KDM5A: variants seen among roughly 807,000 people sequenced by gnomAD.
The protein encoded by KDM5A is lysine-specific demethylase 5A.
In KDM5A, 42 loss-of-function variants were observed where a neutral mutation model predicts 193.5. The observed-to-expected ratio is 0.22, with a 90% CI of 0.17 to 0.28. The LOEUF (loss-of-function observed/expected upper bound fraction) is 0.28. KDM5A is among the 10% of genes least tolerant of loss of function. KDM5A has a pLI of 1.00. For missense variants in KDM5A, 1,692 were observed against 2,055.1 expected (o/e 0.82, Z 3.42); for synonymous variants, 796 against 718.1 (o/e 1.11, Z -1.73).
At chr12:383,217 CTCT>C (rs1215829704) in intron 3 of KDM5A, among the ~76,000 whole-genome samples, 53 of 66,616 alleles carry the variant, frequency 8.0e-4, no homozygotes, top group Middle Eastern at 8.5e-3. Flanking sequence ...GCCAAATTTT[CTCT>C]TTTTTTTTTT....
chr12:310,861 A>T, intron 21 of KDM5A, 24 bp downstream of exon 21: 1 of 1,611,234 alleles, frequency 6.2e-7, no homozygotes, highest in South Asian at 1.1e-5. Flanking sequence ...TCAGCTGCTT[A>T]TGAGAGTGTT....
chr12:359,514 G>A (rs1043012098), intron 5 of KDM5A, among the ~76,000 whole-genome samples: 38 of 152,208 alleles, frequency 2.5e-4, no homozygotes, highest in Middle Eastern at 3.4e-3. Context: ...CACTTTGGGA[G>A]GCTAAGGCAG....
At position 328,914 on chromosome 12, in the gene KDM5A, C is replaced by T. The variant is rs199879384; in HGVS notation, c.1889G>A (p.Gly630Glu). 33 of 1,614,070 alleles carry T rather than the reference C, an allele frequency of 2.0e-5. No homozygotes were observed. Among genetic ancestry groups the T allele is most frequent in the Admixed American group, 1.0e-4 (6 of 60,000 alleles). The change falls in exon 14 of 28, where the codon GGG (glycine) becomes GAG (glutamate). Residue 630 changes from glycine to glutamate, a missense_variant. Physicochemically the swap from Gly to Glu is moderately conservative, Grantham distance 98 (BLOSUM62 -2). Transcript: ENST00000399788. The stretch of plus-strand genomic sequence containing the variant: ...TTCTTTGCAGACCATGGCAGCCAGC[C>T]CCACATCTAAGCATTCTGGATCTGC... Reference protein sequence around the residue: ...MAADPECLDVGLAAMVCKELT... With the variant: ...MAADPECLDVELAAMVCKELT...
At chr12:352,759 T>C (rs942528864) in intron 8 of KDM5A, among the ~76,000 whole-genome samples, 1 of 152,206 alleles carries the variant, frequency 6.6e-6, no homozygotes, top group East Asian at 1.9e-4. Context: ...AGAGAATAGT[T>C]TGTTCACACT....
In KDM5A at chr12:323,269, A is replaced by G; in HGVS notation, c.2151-63T>C. The G allele has an allele frequency of 2.0e-6, 3 of 1,475,060 alleles. No individual in the cohort carries two copies. In the South Asian group the frequency reaches 3.9e-5, roughly 19 times the overall value. The allele number at this position is 1,475,060 out of a possible 1,614,324, so 91.4% of individuals were successfully genotyped here. On this transcript the variant is annotated intron_variant, in intron 15 of 27. Coordinates refer to ENST00000399788, the MANE Select transcript of KDM5A (RefSeq NM_001042603.3). ...ACAGAAATAAAAACCTCAAAAACCA[A>G]CAATAACTTAAAAATAAAGTTTTAA...
intron 4 of KDM5A, 150 bp downstream of exon 4, chr12:365,784 C>T: frequency 3.2e-6 from 2 of 634,350 alleles, no homozygotes; most frequent in South Asian, 1.9e-5. Context: ...TCTTGTAAAC[C>T]ATCAAAAACA....
At chr12:377,344 T>A (rs1358204657) in intron 3 of KDM5A, among the ~76,000 whole-genome samples, 2 of 150,906 alleles carry the variant, frequency 1.3e-5, no homozygotes, top group Non-Finnish European at 3.0e-5. Flanking sequence ...ACAGGAAAAA[T>A]TAGAAGAATT....
Position 323,208 on chromosome 12 carries a change from TACAAAAAA to T in KDM5A, c.2151-10_2151-3del. ...AGGTCTTCTAATGGGTAGCGATATC[TACAAAAAA>T]AAAAAAAAAAAAAAAAAAAAAAAGA... On this transcript the variant is annotated splice_region_variant and splice_polypyrimidine_tract_variant and intron_variant, in intron 15 of 27. Transcript: ENST00000399788. The T allele has an allele frequency of 9.5e-6, 1 of 105,066 alleles. No individual in the cohort carries two copies. The highest frequency in any genetic ancestry group is 1.8e-5 in the Non-Finnish European group (1 of 55,726). 6.5% of individuals were successfully genotyped at this position (105,066 alleles called of 1,614,324 possible). A position where few individuals can be genotyped will look rare whatever the true frequency, so the allele number is the denominator to read the frequency against.
chr12:330,085 G>GTGTGTGTGTATATATATATATA (rs377271333), intron 13 of KDM5A, among the ~76,000 whole-genome samples: 36 of 139,370 alleles, frequency 2.6e-4, no homozygotes, highest in African/African-American at 9.4e-4. Flanking sequence ...GTGTGTGTGT[G>GTGTGTGTGTATATATATATATA]TATATATATA....
At chr12:285,950 C>CA (rs1446835754) in intron 27 of KDM5A, among the ~76,000 whole-genome samples, 6 of 151,982 alleles carry the variant, frequency 3.9e-5, no homozygotes, top group African/African-American at 1.2e-4. Flanking sequence ...AAAAATTTGA[C>CA]AAAAAGGGAA....
Position 285,615 on chromosome 12 carries a change from T to C in KDM5A, c.4914A>G (p.Gln1638=). ...TTTCTGGAGATACACCCACACAAAC[T>C]TGATGAAACCACTCATCACAGCCAC... is the stretch of plus-strand genomic sequence containing the variant. The part of the protein sequence containing the change: ...CDGGCDEWFH[Q]VCVGVSPEMA... The change falls in exon 28 of 28, where the codon CAA becomes CAG. Residue 1638 remains glutamine, a synonymous_variant. Coordinates refer to ENST00000399788, the MANE Select transcript of KDM5A (RefSeq NM_001042603.3). 3.7e-6 allele frequency: 6 copies of C among 1,614,062 alleles called. No individual in the cohort carries two copies. The highest frequency in any genetic ancestry group is 5.1e-6 in the Non-Finnish European group (6 of 1,179,952).
chr12:323,260 C>CA, intron 15 of KDM5A, 54 bp from the exon 16 acceptor site: 1 of 1,295,054 alleles, frequency 7.7e-7, no homozygotes, highest in Non-Finnish European at 9.9e-7. Flanking sequence ...ATAAAAACCT[C>CA]AAAAACCAAC....
intron 5 of KDM5A, among the ~76,000 whole-genome samples, chr12:360,847 G>C (rs867620483): frequency 6.6e-6 from 1 of 152,142 alleles, no homozygotes; most frequent in African/African-American, 2.4e-5. Flanking sequence ...AGGTGGGAGA[G>C]AAAGATTTCT....
intron 18 of KDM5A, among the ~76,000 whole-genome samples, chr12:319,372 A>G (rs1372603468): frequency 1.3e-5 from 2 of 152,320 alleles, no homozygotes; most frequent in Non-Finnish European, 2.9e-5. Context: ...GCTTTGGGAT[A>G]TATTTTGGAG....
chr12:301,717 T>C (rs918469104), intron 24 of KDM5A, among the ~76,000 whole-genome samples: 2 of 152,194 alleles, frequency 1.3e-5, no homozygotes, highest in East Asian at 3.8e-4. Flanking sequence ...GGTATTCAAA[T>C]AGGAACAGAG....
chr12:335,657 A>G (rs1943920447), intron 10 of KDM5A, among the ~76,000 whole-genome samples: 2 of 152,232 alleles, frequency 1.3e-5, no homozygotes, highest in Admixed American at 6.5e-5. Flanking sequence ...TGACAAAGCT[A>G]AAGAGAATTT....
chr12:301,232 G>T (rs999018719), intron 24 of KDM5A, among the ~76,000 whole-genome samples: 1 of 152,124 alleles, frequency 6.6e-6, no homozygotes, highest in African/African-American at 2.4e-5. Context: ...CAAAAAAAGA[G>T]AATTTCAGGC....
chr12:300,743 C>G (rs998579777), intron 24 of KDM5A, among the ~76,000 whole-genome samples: 1 of 152,116 alleles, frequency 6.6e-6, no homozygotes, highest in African/African-American at 2.4e-5. Context: ...AATCCAGGAG[C>G]TGGTTTTTTG....
intron 12 of KDM5A, among the ~76,000 whole-genome samples, chr12:332,470 A>C (rs972885822): frequency 3.9e-5 from 6 of 152,208 alleles, no homozygotes; most frequent in African/African-American, 1.4e-4. Flanking sequence ...AAACAAAGTA[A>C]CATTATAAAT....
Sources: allele counts gnomAD v4.1 joint callset (sites outside exome capture counted in the v4.1 genomes callset), GRCh38; gene constraint gnomAD v4.1.1; transcripts MANE v1.5; gene names NCBI Gene and HGNC (gene_info 2026-07-23, HGNC 2026-07-21).